NIPBL: variants seen among roughly 807,000 people sequenced by gnomAD.
NIPBL encodes the protein nipped-B-like protein.
Under a neutral mutation model 321.8 loss-of-function variants are expected in NIPBL, and 19 were observed. The observed-to-expected ratio is 0.06, with a 90% CI of 0.04 to 0.09. The LOEUF is 0.09. NIPBL is among the 10% of genes least tolerant of loss of function. The pLI is 1.00. For synonymous variants in NIPBL, 1,106 were observed against 1,114.1 expected (o/e 0.99, Z 0.14); for missense variants, 2,210 against 3,327.0 (o/e 0.66, Z 8.26).
Position 37,065,626 on chromosome 5 carries a change from T to C in NIPBL, c.*734T>C, listed in dbSNP as rs1160429965. On this transcript the variant is annotated 3_prime_UTR_variant, in exon 47 of 47. Coordinates refer to ENST00000282516, the MANE Select transcript of NIPBL (RefSeq NM_133433.4). ...GTTTTCAAAGCAAAACATAAAATAT[T>C]GTTTATACAGTTTGTATAGGCTGAC... The C allele has an allele frequency of 6.5e-6, 1 of 152,682 alleles. No individual in the cohort carries two copies. Among genetic ancestry groups the C allele is most frequent in the Non-Finnish European group, 1.5e-5 (1 of 68,064 alleles). The allele number at this position is 152,682 out of a possible 1,614,324, so 9.5% of individuals were successfully genotyped here.
chr5:37,022,425 T>C lies in NIPBL; in HGVS notation c.5574+35T>C, dbSNP rs151178107. The C allele has an allele frequency of 6.5e-4, 1,015 of 1,568,128 alleles. 14 individuals are homozygous for C. In the African/African-American group the frequency reaches 0.013, roughly 20 times the overall value. On this transcript the variant is annotated intron_variant, in intron 29 of 46. Transcript: ENST00000282516. ...TCATTTTTATAATGATTCGTGAATA[T>C]AATTTTGCCTTTCAAGCATCATGTT...
At chr5:37,062,807 C>T (rs1358099150) in intron 45 of NIPBL, among the ~76,000 whole-genome samples, 6 of 152,004 alleles carry the variant, frequency 3.9e-5, no homozygotes, top group African/African-American at 1.4e-4. Context: ...GTAGTCCCAA[C>T]TGCTGGGGAG....
chr5:36,963,158 T>C, intron 6 of NIPBL, among the ~76,000 whole-genome samples: 2 of 152,288 alleles, frequency 1.3e-5, no homozygotes, highest in Middle Eastern at 6.8e-3. Flanking sequence ...TATTTCATGG[T>C]TACTAAATAA....
chr5:36,908,170 A>T (rs1263521195), intron 1 of NIPBL, among the ~76,000 whole-genome samples: 2 of 152,188 alleles, frequency 1.3e-5, no homozygotes, highest in Non-Finnish European at 2.9e-5. Flanking sequence ...ACTATGTAAC[A>T]TGTTTACATG....
In NIPBL at chr5:36,976,370, G is replaced by T; in HGVS notation, c.1463G>T (p.Arg488Met). The change falls in exon 9 of 47, where the codon AGG becomes ATG. Residue 488 changes from arginine (R) to methionine (M), a missense_variant. Physicochemically the swap from Arg to Met is moderately conservative, Grantham distance 91 (BLOSUM62 -1). This residue lies in a region of NIPBL where 464 missense variants were observed against 529.5 expected (regional missense o/e 0.88). Coordinates refer to ENST00000282516, the MANE Select transcript of NIPBL (RefSeq NM_133433.4). Reference protein sequence around the residue: ...ERIERESAIERERFSKEVQDK... With the variant: ...ERIERESAIEMERFSKEVQDK... Reference sequence around the variant, plus strand: ...ATAGAGAGAGAATCAGCTATTGAAAGGGAGCGCTTCTCAAAAGAAGTTCAA... The same window carrying T: ...ATAGAGAGAGAATCAGCTATTGAAATGGAGCGCTTCTCAAAAGAAGTTCAA... 6.2e-7 allele frequency: 1 copy of T among 1,610,268 alleles called. No homozygotes were observed. The highest frequency in any genetic ancestry group is 1.1e-5 in the South Asian group (1 of 91,056).
intron 21 of NIPBL, among the ~76,000 whole-genome samples, chr5:37,010,505 G>A (rs1464589463): frequency 6.6e-6 from 1 of 151,948 alleles, no homozygotes; most frequent in African/African-American, 2.4e-5. Context: ...TAGTAGAGAC[G>A]GGTTTTCGCC....
chr5:36,903,767 C>G (rs1580189562), intron 1 of NIPBL, among the ~76,000 whole-genome samples: 1 of 152,144 alleles, frequency 6.6e-6, no homozygotes, highest in African/African-American at 2.4e-5. Context: ...TTTCTCAAGG[C>G]TGCATTCTTT....
In NIPBL at chr5:36,968,095, C is replaced by CAAAA. The variant is rs1194609840; in HGVS notation, c.611-2768_611-2765dup. 1.1e-4 allele frequency among the ~76,000 whole-genome samples: 6 copies of CAAAA among 54,144 alleles called. 1 individual carries two copies. Among genetic ancestry groups the CAAAA allele is most frequent in the African/African-American group, 1.5e-4 (2 of 13,098 alleles). The allele number at this position is 54,144 out of a possible 152,430, so 35.5% of individuals were successfully genotyped here. ...TGGACAACAGAGTGAGACTCTGTCT[C>CAAAA]AAAAAAAAAAAAAAAACAAAAAACA... is the stretch of plus-strand genomic sequence containing the variant. On this transcript the variant is annotated intron_variant, in intron 6 of 46. Coordinates refer to ENST00000282516, the MANE Select transcript of NIPBL (RefSeq NM_133433.4).
At chr5:36,886,336 G>T in intron 1 of NIPBL, 1 of 693,508 alleles carries the variant, frequency 1.4e-6, no homozygotes, top group Non-Finnish European at 2.6e-6. Context: ...GGCTGAGAGC[G>T]CCACCTGCCA....
chr5:36,947,850 G>A (rs1739857402), intron 1 of NIPBL, among the ~76,000 whole-genome samples: 1 of 151,748 alleles, frequency 6.6e-6, no homozygotes, highest in African/African-American at 2.4e-5. Context: ...GTTTAATAAT[G>A]TTCTTTTTTT....
chr5:37,051,414 T>TA lies in NIPBL; in HGVS notation c.6955-364dup, dbSNP rs201464384. 3 of 224,676 alleles carry TA rather than the reference T, an allele frequency of 1.3e-5. No individual in the cohort carries two copies. The East Asian group carries it at 3.5e-4, about 26-fold the overall frequency. 13.9% of individuals were successfully genotyped at this position (224,676 alleles called of 1,614,324 possible). On this transcript the variant is annotated intron_variant, in intron 40 of 46. Coordinates refer to ENST00000282516, the MANE Select transcript of NIPBL (RefSeq NM_133433.4). ...AAACAAATTACTGTTTGCCCTATAT[T>TA]ATCTTTACAAGGCAAATTCAGTCAA...
At position 37,020,807 on chromosome 5, in the gene NIPBL, C is replaced by G. The variant is rs997646025; in HGVS notation, c.5258C>G (p.Ala1753Gly). The change falls in exon 27 of 47, where the codon GCT becomes GGT. Residue 1753 changes from alanine to glycine, a missense_variant. Physicochemically the swap from Ala to Gly is moderately conservative, Grantham distance 60. Transcript: ENST00000282516. The part of the protein sequence containing the change: ...MNSDTVDYDD[A>G]CLIVRYLASM... ...TCTGATACTGTGGACTATGATGATG[C>G]TTGCTTGATTGTTCGATACTTGGCC... 6 of 1,613,972 alleles carry G rather than the reference C, an allele frequency of 3.7e-6. No individual in the cohort carries two copies. The highest frequency in any genetic ancestry group is 1.3e-5 in the African/African-American group (1 of 74,914).
At position 36,876,988 on chromosome 5, in the gene NIPBL, G is replaced by C; in HGVS notation, c.-270G>C. On this transcript the variant is annotated 5_prime_UTR_variant, in exon 1 of 47. Transcript: ENST00000282516. ...CGGGTGTTTGTGAGTGTTTCTATGT[G>C]GGAGAAGGAGGAGGAGGAGGAAGAA... is the stretch of plus-strand genomic sequence containing the variant. 1 of 393,582 alleles carries C rather than the reference G, an allele frequency of 2.5e-6. No individual in the cohort carries two copies. The highest frequency in any genetic ancestry group is 1.3e-4 in the South Asian group (1 of 7,746). 24.4% of individuals were successfully genotyped at this position (393,582 alleles called of 1,614,324 possible). A position where few individuals can be genotyped will look rare whatever the true frequency, so the allele number is the denominator to read the frequency against.
At position 36,984,958 on chromosome 5, in the gene NIPBL, C is replaced by T; in HGVS notation, c.1778C>T (p.Pro593Leu). 1 of 1,613,804 alleles carries T rather than the reference C, an allele frequency of 6.2e-7. No homozygotes were observed. The highest frequency in any genetic ancestry group is 8.5e-7 in the Non-Finnish European group (1 of 1,179,914). Residue 593 changes from proline to leucine, a missense_variant, in exon 10 of 47, where the codon CCA (proline) becomes CTA (leucine). Physicochemically the swap from Pro to Leu is moderately conservative, Grantham distance 98 (BLOSUM62 -3). Around this residue, in one of 14 missense-constraint regions of NIPBL, gnomAD observed 588 missense variants for 564.1 expected, o/e 1.04. Transcript: ENST00000282516. The stretch of plus-strand genomic sequence containing the variant: ...ATTGTTGGAAGTCTTAAATCTACAC[C>T]AGAAAACCATCCTGAGACACCTAAA... The part of the protein sequence containing the change: ...EDIVGSLKST[P>L]ENHPETPKKK...
chr5:36,891,746 G>C (rs1746349620), intron 1 of NIPBL, among the ~76,000 whole-genome samples: 1 of 152,170 alleles, frequency 6.6e-6, no homozygotes, highest in African/African-American at 2.4e-5. Context: ...TTATGCATAT[G>C]TAAAAAAATT....
At chr5:36,882,885 T>TA (rs1268446990) in intron 1 of NIPBL, among the ~76,000 whole-genome samples, 136 of 149,348 alleles carry the variant, frequency 9.1e-4, no homozygotes, top group East Asian at 3.5e-3. Context: ...TCTTTTTTTT[T>TA]AAAAAAAAAA....
chr5:36,938,075 C>T (rs907806057), intron 1 of NIPBL, among the ~76,000 whole-genome samples: 1 of 152,062 alleles, frequency 6.6e-6, no homozygotes, highest in Non-Finnish European at 1.5e-5. Flanking sequence ...TTCCTTGCCC[C>T]CTGACTTTGG....
At position 36,986,016 on chromosome 5, in the gene NIPBL, T is replaced by C; in HGVS notation, c.2836T>C (p.Leu946=). Residue 946 remains leucine (L), a synonymous_variant, in exon 10 of 47, where the codon TTG becomes CTG. Coordinates refer to ENST00000282516, the MANE Select transcript of NIPBL (RefSeq NM_133433.4). ...DNKAEFPSYL[L]GGRSGALKNF... ...TAAGGCAGAATTTCCAAGTTATTTG[T>C]TGGGGGGCAGGTCTGGTGCGTTGAA... 6.2e-7 allele frequency: 1 copy of C among 1,613,936 alleles called. No homozygotes were observed. The highest frequency in any genetic ancestry group is 8.5e-7 in the Non-Finnish European group (1 of 1,179,908).
intron 1 of NIPBL, among the ~76,000 whole-genome samples, chr5:36,888,080 T>C (rs1746050361): frequency 6.6e-6 from 1 of 152,188 alleles, no homozygotes; most frequent in Non-Finnish European, 1.5e-5. Context: ...CCCAATGTTT[T>C]GATTCTGTGA....
Sources: gnomAD v4.1 joint callset for allele counts (sites outside exome capture counted in the v4.1 genomes callset) on GRCh38, gnomAD v4.1.1 for gene constraint, gnomAD v4.1.1 regional missense constraint, MANE v1.5 for transcripts, NCBI Gene and HGNC (gene_info 2026-07-23, HGNC 2026-07-21) for gene names.